The following C1QTNF2 variants were observed in gnomAD, a reference collection of about 807,000 sequenced individuals.
C1QTNF2 encodes C1q and TNF related 2.
Under a neutral mutation model 17.4 loss-of-function variants are expected in C1QTNF2, and 15 were observed. The observed-to-expected ratio is 0.86, with a 90% CI of 0.58 to 1.33. The LOEUF (loss-of-function observed/expected upper bound fraction) is 1.33. Ranked by LOEUF, C1QTNF2 falls within the 40% of genes most tolerant of loss-of-function variation. The pLI, the probability that C1QTNF2 is intolerant of heterozygous loss-of-function variation, is 0.00. For synonymous variants in C1QTNF2, 154 were observed against 163.3 expected (o/e 0.94, Z 0.44); for missense variants, 381 against 392.3 (o/e 0.97, Z 0.24).
chr5:160,370,620 C>T lies in C1QTNF2; in HGVS notation c.-118G>A, dbSNP rs924991447. On this transcript the variant is annotated 5_prime_UTR_variant, in exon 1 of 3. Coordinates refer to ENST00000652664, the MANE Select transcript of C1QTNF2 (RefSeq NM_031908.6). ...CAGCAGCCGGGCAGAGCGTCGGCCC[C>T]AGGCATAGTTTTCCCATCCCGTCAT... The T allele has an allele frequency of 3.5e-6, 5 of 1,447,224 alleles. No individual in the cohort carries two copies. The highest frequency in any genetic ancestry group is 3.7e-4 in the Middle Eastern group (2 of 5,458). The allele number at this position is 1,447,224 out of a possible 1,614,324, so 89.6% of individuals were successfully genotyped here.
chr5:160,354,615 T>TAG lies in C1QTNF2; in HGVS notation c.244+152_244+153insCT, dbSNP rs1561822917. Among the ~76,000 whole-genome samples, 121 of 137,184 alleles carry TAG rather than the reference T, an allele frequency of 8.8e-4. 5 individuals are homozygous for TAG. Among genetic ancestry groups the TAG allele is most frequent in the African/African-American group, 3.3e-3 (118 of 35,656 alleles). The allele number at this position is 137,184 out of a possible 152,430, so 90.0% of individuals were successfully genotyped here. A position where few individuals can be genotyped will look rare whatever the true frequency, so the allele number is the denominator to read the frequency against. ...AAAAAAAAGTATATATATATATATA[T>TAG]ATATATATATATATATATAGATTTA... On this transcript the variant is annotated intron_variant, in intron 2 of 2. Transcript: ENST00000652664.
intron 1 of C1QTNF2, among the ~76,000 whole-genome samples, chr5:160,362,359 C>G (rs1263570960): frequency 6.6e-6 from 1 of 152,142 alleles, no homozygotes; most frequent in Non-Finnish European, 1.5e-5. Flanking sequence ...CACCACAGTT[C>G]CGGGAAATCT....
At chr5:160,360,212 C>G (rs947135160) in intron 1 of C1QTNF2, among the ~76,000 whole-genome samples, 5 of 152,222 alleles carry the variant, frequency 3.3e-5, no homozygotes, top group Admixed American at 6.5e-5. Flanking sequence ...TTGCCTCCCC[C>G]ATGTGTCTCC....
intron 1 of C1QTNF2, among the ~76,000 whole-genome samples, chr5:160,361,946 C>G (rs993995639): frequency 1.4e-4 from 22 of 152,314 alleles, no homozygotes; most frequent in African/African-American, 5.3e-4. Flanking sequence ...CTGGCTCTTT[C>G]CCTGGAATGG....
chr5:160,354,631 T>TATAGATAGATAGATAGATAG (rs1554127204), intron 2 of C1QTNF2, 137 bp downstream of exon 2: 1 of 223,566 alleles, frequency 4.5e-6, no homozygotes, highest in African/African-American at 3.1e-5. Context: ...TATATATATA[T>TATAGATAGATAGATAGATAG]ATAGATTTAT....
chr5:160,350,310 T>C (rs1411631365), intron 2 of C1QTNF2, among the ~76,000 whole-genome samples: 1 of 152,172 alleles, frequency 6.6e-6, no homozygotes, highest in African/African-American at 2.4e-5. Flanking sequence ...TGTGGATTTC[T>C]ATGCAGGAGT....
At chr5:160,359,404 G>A (rs986852152) in intron 1 of C1QTNF2, among the ~76,000 whole-genome samples, 2 of 152,178 alleles carry the variant, frequency 1.3e-5, no homozygotes, top group African/African-American at 4.8e-5. Flanking sequence ...GGGTTTGGCT[G>A]ATCCTAGTAC....
intron 2 of C1QTNF2, 137 bp downstream of exon 2, chr5:160,354,631 T>TATATATATATATATATATAG (rs1314517787): frequency 7.6e-5 from 17 of 223,522 alleles, no homozygotes; most frequent in South Asian, 1.4e-4. Context: ...TATATATATA[T>TATATATATATATATATATAG]ATAGATTTAT....
chr5:160,364,381 C>G (rs1271782287), intron 1 of C1QTNF2, among the ~76,000 whole-genome samples: 1 of 152,210 alleles, frequency 6.6e-6, no homozygotes, highest in Non-Finnish European at 1.5e-5. Flanking sequence ...AATAATAGAA[C>G]CTACCTTAGA....
rs779189769 is a variant in C1QTNF2 at position 160,354,977 on chromosome 5, G to T, written c.35C>A (p.Pro12His). The stretch of plus-strand genomic sequence containing the variant: ...GCCAAGCAGTGGGTCAGCAGCACAG[G>T]GGAGGGCACAGGCCAGGAGCACCCA... ...IPWVLLACAL[P>H]CAADPLLGAF... Residue 12 changes from proline to histidine, a missense_variant, in exon 2 of 3, where the codon CCC (proline) becomes CAC (histidine). Physicochemically the swap from Pro to His is moderately conservative, Grantham distance 77. Coordinates refer to ENST00000652664, the MANE Select transcript of C1QTNF2 (RefSeq NM_031908.6). 8 of 1,591,028 alleles carry T rather than the reference G, an allele frequency of 5.0e-6. No individual in the cohort carries two copies. Among genetic ancestry groups the T allele is most frequent in the Non-Finnish European group, 6.0e-6 (7 of 1,169,752 alleles).
chr5:160,362,499 A>G (rs1455829714), intron 1 of C1QTNF2, among the ~76,000 whole-genome samples: 1 of 152,186 alleles, frequency 6.6e-6, no homozygotes, highest in Non-Finnish European at 1.5e-5. Context: ...CTGAGTGTGT[A>G]CTGTTTTCCC....
chr5:160,363,302 C>T, intron 1 of C1QTNF2, among the ~76,000 whole-genome samples: 1 of 152,234 alleles, frequency 6.6e-6, no homozygotes, highest in South Asian at 2.1e-4. Flanking sequence ...GGCTGCCGCT[C>T]CTCACAGTAC....
In C1QTNF2 at chr5:160,353,788, C is replaced by CTTTTTTTTT. The variant is rs200777932; in HGVS notation, c.244+971_244+979dup. Reference sequence around the variant, plus strand: ...GAGCTTGGCTCTTGGACTTCTCAGGCTTTTTTTTTTTTTTTTTTTTTTTTT... The same window carrying CTTTTTTTTT: ...GAGCTTGGCTCTTGGACTTCTCAGGCTTTTTTTTTTTTTTTTTTTTTTTTTTTTTTTTTT... On this transcript the variant is annotated intron_variant, in intron 2 of 2. Coordinates refer to ENST00000652664, the MANE Select transcript of C1QTNF2 (RefSeq NM_031908.6). Among the ~76,000 whole-genome samples, 15 of 85,972 alleles carry CTTTTTTTTT rather than the reference C, an allele frequency of 1.7e-4. 1 individual carries two copies. Among genetic ancestry groups the CTTTTTTTTT allele is most frequent in the African/African-American group, 5.3e-4 (11 of 20,910 alleles). The allele number at this position is 85,972 out of a possible 152,430, so 56.4% of individuals were successfully genotyped here. A position where few individuals can be genotyped will look rare whatever the true frequency, so the allele number is the denominator to read the frequency against.
At chr5:160,351,997 A>G (rs1033492661) in intron 2 of C1QTNF2, among the ~76,000 whole-genome samples, 4 of 151,972 alleles carry the variant, frequency 2.6e-5, no homozygotes, top group Non-Finnish European at 4.4e-5. Context: ...TGTAACCTCA[A>G]ACTCTTGGGC....
intron 1 of C1QTNF2, 179 bp from the exon 2 acceptor site, chr5:160,355,199 G>C: frequency 2.0e-6 from 2 of 983,964 alleles, no homozygotes; most frequent in Non-Finnish European, 2.4e-6. Flanking sequence ...ATATCTTGAG[G>C]ACATATTTGG....
Position 160,349,213 on chromosome 5 carries a change from C to T in C1QTNF2, c.813G>A (p.Thr271=), listed in dbSNP as rs370912150. Residue 271 remains threonine (T), a synonymous_variant, in exon 3 of 3, where the codon ACG becomes ACA. Transcript: ENST00000652664. The surrounding 1 kb of genome is among the most constrained non-coding windows in gnomAD (Gnocchi z 4.3). The stretch of plus-strand genomic sequence containing the variant: ...CCTGGTCGGCATAGATTAGGAAGCC[C>T]GTAAAGAGGCTGTCTGTCCAGTAAG... The part of the protein sequence containing the change: ...YDPYWTDSLF[T]GFLIYADQDD... 56 of 1,613,878 alleles carry T rather than the reference C, an allele frequency of 3.5e-5. No homozygotes were observed. Among genetic ancestry groups the T allele is most frequent in the Admixed American group, 1.0e-4 (6 of 59,986 alleles).
chr5:160,369,965 C>T (rs1374326894), intron 1 of C1QTNF2, among the ~76,000 whole-genome samples: 2 of 152,120 alleles, frequency 1.3e-5, no homozygotes, highest in Non-Finnish European at 2.9e-5. Flanking sequence ...CTCAGTTTGC[C>T]AGTCTGTATC....
intron 2 of C1QTNF2, among the ~76,000 whole-genome samples, chr5:160,351,493 C>T (rs1376715021): frequency 6.6e-6 from 1 of 152,160 alleles, no homozygotes; most frequent in East Asian, 1.9e-4. Context: ...CTGAATTTTT[C>T]CTATTTTACA....
chr5:160,360,833 C>T (rs1764140671), intron 1 of C1QTNF2, among the ~76,000 whole-genome samples: 1 of 147,314 alleles, frequency 6.8e-6, no homozygotes, highest in East Asian at 2.0e-4. Flanking sequence ...TCTCGCTCTG[C>T]TGCCAGGCTG....
Sources: allele counts gnomAD v4.1 joint callset (sites outside exome capture counted in the v4.1 genomes callset), GRCh38; gene constraint gnomAD v4.1.1; non-coding constraint Gnocchi (gnomAD v3.1); transcripts MANE v1.5; gene names NCBI Gene and HGNC (gene_info 2026-07-23, HGNC 2026-07-21).